PREX1: variants seen among roughly 807,000 people sequenced by gnomAD.
PREX1 encodes the protein phosphatidylinositol-3,4,5-trisphosphate dependent Rac exchange factor 1.
Under a neutral mutation model 198.3 loss-of-function variants are expected in PREX1, and 41 were observed. The observed-to-expected ratio is 0.21, with a 90% CI of 0.16 to 0.27. PREX1 has a LOEUF of 0.27. Among genes scored for constraint, PREX1 ranks in the 10% least tolerant of loss-of-function variants. The pLI, the probability that PREX1 is intolerant of heterozygous loss-of-function variation, is 1.00. For missense variants in PREX1, 1,620 were observed against 2,200.7 expected (o/e 0.74, Z 5.28); for synonymous variants, 843 against 887.2 (o/e 0.95, Z 0.89).
chr20:48,778,447 G>C (rs1265584972), intron 1 of PREX1, among the ~76,000 whole-genome samples: 1 of 147,772 alleles, frequency 6.8e-6, no homozygotes, highest in Non-Finnish European at 1.5e-5. Context: ...AAAAAAATTA[G>C]CCAGGCATGG....
chr20:48,855,212 C>T, the PREX1 span, among the ~76,000 whole-genome samples: 197 of 152,306 alleles, frequency 1.3e-3, 2 homozygotes, highest in East Asian at 0.027. Flanking sequence ...CAACATGTAA[C>T]CAATACATCT....
intron 13 of PREX1, among the ~76,000 whole-genome samples, chr20:48,678,813 T>C (rs2089727317): frequency 6.6e-6 from 1 of 152,120 alleles, no homozygotes; most frequent in South Asian, 2.1e-4. Flanking sequence ...TCCTTTTCTT[T>C]ATAAATTACC....
Position 48,642,434 on chromosome 20 carries a change from A to T in PREX1, c.3657T>A (p.His1219Gln). The T allele has an allele frequency of 1.2e-6, 2 of 1,613,636 alleles. No individual in the cohort carries two copies. Among genetic ancestry groups the T allele is most frequent in the Non-Finnish European group, 1.7e-6 (2 of 1,179,622 alleles). The change falls in exon 28 of 40, where the codon CAT becomes CAA. Residue 1219 changes from histidine (H) to glutamine (Q), a missense_variant. His to Gln is a conservative substitution (Grantham distance 24). Coordinates refer to ENST00000371941, the MANE Select transcript of PREX1 (RefSeq NM_020820.4). ...RIPSDKQDKL[H>Q]GCLEHLFNQV... Reference sequence around the variant, plus strand: ...GGTTAAAGAGGTGCTCCAGGCAGCCATGAAGCTTGTCCTGCTTGTCAGATG... The same window carrying T: ...GGTTAAAGAGGTGCTCCAGGCAGCCTTGAAGCTTGTCCTGCTTGTCAGATG...
At chr20:48,722,825 C>A (rs2089992059) in intron 5 of PREX1, among the ~76,000 whole-genome samples, 1 of 152,262 alleles carries the variant, frequency 6.6e-6, no homozygotes, top group Non-Finnish European at 1.5e-5. Flanking sequence ...CAGCCCAAGT[C>A]TGGAAGCTCC....
chr20:48,817,858 G>A (rs969825461), intron 1 of PREX1, among the ~76,000 whole-genome samples: 4 of 152,296 alleles, frequency 2.6e-5, no homozygotes, highest in African/African-American at 7.2e-5. Context: ...AGCAGGCATT[G>A]TTGGTGCTGG....
chr20:48,653,064 C>G (rs2073072), intron 20 of PREX1, among the ~76,000 whole-genome samples: 28,994 of 152,130 alleles, frequency 0.19, 2,806 homozygotes, highest in Middle Eastern at 0.3. Flanking sequence ...ATCCACTTTC[C>G]CAACCCACTT....
chr20:48,726,280 A>C lies in PREX1; in HGVS notation c.621+10T>G. 1 of 1,607,682 alleles carries C rather than the reference A, an allele frequency of 6.2e-7. No individual in the cohort carries two copies. The highest frequency in any genetic ancestry group is 8.5e-7 in the Non-Finnish European group (1 of 1,174,808). On this transcript the variant is annotated intron_variant, in intron 5 of 39. Transcript: ENST00000371941. ...AGTTTTCTGTCACTTCAAATACGGG[A>C]AAGTCTCACCTTAAGGAGGAGCGGG...
rs41283550 is a variant in PREX1, at chr20:48,642,336, G to A, written c.3684+71C>T. On this transcript the variant is annotated intron_variant, in intron 28 of 39. Coordinates refer to ENST00000371941, the MANE Select transcript of PREX1 (RefSeq NM_020820.4). ...CAGACATCTGGGACCCACAGCCCCC[G>A]GGTCATGGGCCCTCCCCAGGTGTGA... is the stretch of plus-strand genomic sequence containing the variant. 4,411 of 1,604,006 alleles carry A rather than the reference G, an allele frequency of 2.7e-3. 8 individuals carry two copies. Among genetic ancestry groups the A allele is most frequent in the Non-Finnish European group, 3.3e-3 (3,919 of 1,171,148 alleles).
chr20:48,849,095 C>CAAAA, the PREX1 span, among the ~76,000 whole-genome samples: 1 of 131,184 alleles, frequency 7.6e-6, no homozygotes. Context: ...GACCCTGTCT[C>CAAAA]AAAAAAAAAA....
chr20:48,847,460 C>T, the PREX1 span, among the ~76,000 whole-genome samples: 7 of 151,518 alleles, frequency 4.6e-5, no homozygotes, highest in African/African-American at 1.7e-4. Flanking sequence ...ATGTATAGGC[C>T]GTGTTGTTTT....
At chr20:48,810,981 T>C (rs1056429595) in intron 1 of PREX1, among the ~76,000 whole-genome samples, 10 of 152,122 alleles carry the variant, frequency 6.6e-5, no homozygotes, top group African/African-American at 2.2e-4. Flanking sequence ...GAACATGTTA[T>C]GGAGGGGTGG....
chr20:48,867,198 A>C, the PREX1 span, among the ~76,000 whole-genome samples: 2 of 152,212 alleles, frequency 1.3e-5, no homozygotes, highest in African/African-American at 2.4e-5. Flanking sequence ...TTCAAGGAGA[A>C]ATCAAGTGGG....
rs562140767 is a variant in PREX1 at position 48,795,413 on chromosome 20, C to T, written c.219+32229G>A. Among the ~76,000 whole-genome samples the T allele has an allele frequency of 1.0e-3, 157 of 151,578 alleles. 2 individuals carry two copies. The highest frequency in any genetic ancestry group is 3.4e-3 in the Middle Eastern group (1 of 292). On this transcript the variant is annotated intron_variant, in intron 1 of 39. Transcript: ENST00000371941. The stretch of plus-strand genomic sequence containing the variant: ...TCAAATGAGGGCAATTTTGCTTGCC[C>T]CAACCCCCCACCCCTGAGGACATAT...
intron 13 of PREX1, among the ~76,000 whole-genome samples, chr20:48,676,698 C>A (rs1168641833): frequency 6.6e-6 from 1 of 152,236 alleles, no homozygotes; most frequent in Non-Finnish European, 1.5e-5. Flanking sequence ...CAGCCCCCAA[C>A]AGAGACTCAT....
chr20:48,676,314 A>C lies in PREX1; in HGVS notation c.1590-46T>G, dbSNP rs200882233. 731 of 1,579,344 alleles carry C rather than the reference A, an allele frequency of 4.6e-4. 8 individuals are homozygous for C. In the African/African-American group the frequency reaches 8.7e-3, roughly 19 times the overall value. ...CAGTGAGCAGGGCAGGGCGGGGAGG[A>C]CAGAGGTGGGGGTGGTCCTGACTTC... On this transcript the variant is annotated intron_variant, in intron 13 of 39. Transcript: ENST00000371941.
intron 39 of PREX1, 53 bp downstream of exon 39, chr20:48,627,495 C>A: frequency 6.3e-7 from 1 of 1,595,716 alleles, no homozygotes; most frequent in South Asian, 1.1e-5. Context: ...AAAGCCAGGC[C>A]TGGGTCGCCA....
chr20:48,881,765 G>T, the PREX1 span, among the ~76,000 whole-genome samples: 185 of 152,302 alleles, frequency 1.2e-3, no homozygotes, highest in Non-Finnish European at 1.4e-3. Flanking sequence ...GATTACAGGC[G>T]TAAGCCACAG....
chr20:48,806,043 T>C (rs1389973201), intron 1 of PREX1, among the ~76,000 whole-genome samples: 2 of 152,350 alleles, frequency 1.3e-5, no homozygotes, highest in African/African-American at 4.8e-5. Flanking sequence ...GTGATAAGGC[T>C]GTGCTAGGCA....
the PREX1 span, among the ~76,000 whole-genome samples, chr20:48,885,709 CT>C: frequency 8.1e-6 from 1 of 123,918 alleles, no homozygotes; most frequent in Non-Finnish European, 1.6e-5. Context: ...AGACCAGAAA[CT>C]TTAAAAACAG....
Sources: allele counts gnomAD v4.1 joint callset (sites outside exome capture counted in the v4.1 genomes callset), GRCh38; gene constraint gnomAD v4.1.1; transcripts MANE v1.5; gene names NCBI Gene and HGNC (gene_info 2026-07-23, HGNC 2026-07-21).